CTCF: variants seen among roughly 807,000 people sequenced by gnomAD.
CTCF encodes the protein CCCTC-binding factor.
CTCF carries 7 observed loss-of-function variants against 72.3 expected under a neutral mutation model. The observed-to-expected ratio is 0.10, with a 90% CI of 0.06 to 0.18. The LOEUF (loss-of-function observed/expected upper bound fraction) is 0.18, where lower values mean the gene tolerates loss of function less well. Ranked by LOEUF, CTCF falls within the 10% of genes least tolerant of loss-of-function variation. The pLI, the probability that CTCF is intolerant of heterozygous loss-of-function variation, is 1.00. For synonymous variants in CTCF, 374 were observed against 315.8 expected (o/e 1.18, Z -1.95); for missense variants, 516 against 949.1 (o/e 0.54, Z 6.00).
chr16:67,574,222 G>A lies in CTCF; in HGVS notation c.-10+2958G>A, dbSNP rs561381199. Among the ~76,000 whole-genome samples the A allele has an allele frequency of 3.3e-5, 5 of 152,278 alleles. No homozygotes were observed. The South Asian group carries it at 1.0e-3, about 32-fold the overall frequency. On this transcript the variant is annotated intron_variant, in intron 2 of 11. Coordinates refer to ENST00000264010, the MANE Select transcript of CTCF (RefSeq NM_006565.4). ...ACAAGCCCATTCCTTCAGAGCTTCT[G>A]ACCAACTGGCTTCAAGTTGAGTTTC...
chr16:67,591,154 G>A (rs562675801), intron 2 of CTCF, among the ~76,000 whole-genome samples: 9 of 151,754 alleles, frequency 5.9e-5, no homozygotes, highest in Admixed American at 3.3e-4. Flanking sequence ...TTAGCTAGTC[G>A]TGGTGATGCG....
At position 67,620,679 on chromosome 16, in the gene CTCF, G is replaced by C. The variant is rs2052189079; in HGVS notation, c.1087-18G>C. Reference sequence around the variant, plus strand: ...CTGTGTTAACAGAAGTTAAAGTTCGGTTGTTTTCGTATTTCAGGTCAGCAA... The same window carrying C: ...CTGTGTTAACAGAAGTTAAAGTTCGCTTGTTTTCGTATTTCAGGTCAGCAA... On this transcript the variant is annotated intron_variant, in intron 5 of 11. Transcript: ENST00000264010. 3 of 1,538,110 alleles carry C rather than the reference G, an allele frequency of 2.0e-6. No homozygotes were observed. Among genetic ancestry groups the C allele is most frequent in the East Asian group, 4.6e-5 (2 of 43,262 alleles).
chr16:67,599,829 G>C (rs1192485144), intron 2 of CTCF, among the ~76,000 whole-genome samples: 2 of 152,166 alleles, frequency 1.3e-5, no homozygotes, highest in Non-Finnish European at 2.9e-5. Flanking sequence ...TTTATTCCCT[G>C]TCCAGTGTCA....
chr16:67,597,056 C>A (rs1160235371), intron 2 of CTCF, among the ~76,000 whole-genome samples: 4 of 151,966 alleles, frequency 2.6e-5, no homozygotes, highest in African/African-American at 4.8e-5. Flanking sequence ...CATTTTGAGA[C>A]AGGGTCTCAC....
chr16:67,611,867 A>G, intron 3 of CTCF, 84 bp from the exon 4 acceptor site: 6 of 1,258,202 alleles, frequency 4.8e-6, no homozygotes, highest in Non-Finnish European at 5.7e-6. Flanking sequence ...AAGCTAATCA[A>G]ATATATTTGT....
chr16:67,629,590 A>G (rs569583146), intron 10 of CTCF, 57 bp downstream of exon 10: 89 of 1,591,984 alleles, frequency 5.6e-5, no homozygotes, highest in Non-Finnish European at 7.2e-5. Flanking sequence ...CCCAGTTTCC[A>G]GTGTGTTTAT....
chr16:67,573,324 G>A lies in CTCF; in HGVS notation c.-10+2060G>A, dbSNP rs1002126687. 3.3e-5 allele frequency among the ~76,000 whole-genome samples: 5 copies of A among 152,036 alleles called. No individual in the cohort carries two copies. In the East Asian group the frequency reaches 9.7e-4, roughly 29 times the overall value. ...CGTGCCTGTAATCCCAACTACTCGG[G>A]AGGCTGAGGCAGGAGAATCACCTGA... is the stretch of plus-strand genomic sequence containing the variant. On this transcript the variant is annotated intron_variant, in intron 2 of 11. Coordinates refer to ENST00000264010, the MANE Select transcript of CTCF (RefSeq NM_006565.4).
chr16:67,623,984 G>C (rs1683190800), intron 7 of CTCF, among the ~76,000 whole-genome samples: 1 of 150,916 alleles, frequency 6.6e-6, no homozygotes, highest in South Asian at 2.1e-4. Flanking sequence ...GGAGGGGGAG[G>C]TTGCAGTGAG....
chr16:67,632,731 A>G (rs911951748), intron 10 of CTCF, among the ~76,000 whole-genome samples: 1 of 152,216 alleles, frequency 6.6e-6, no homozygotes, highest in African/African-American at 2.4e-5. Flanking sequence ...GAAGAAGTTC[A>G]GCAGGGAAGC....
At chr16:67,597,488 G>A (rs372611720) in intron 2 of CTCF, among the ~76,000 whole-genome samples, 12 of 152,142 alleles carry the variant, frequency 7.9e-5, no homozygotes, top group African/African-American at 2.6e-4. Flanking sequence ...ACAGGTGCCC[G>A]CCACTAAGCA....
chr16:67,585,747 T>C (rs1276252058), intron 2 of CTCF, among the ~76,000 whole-genome samples: 2 of 152,236 alleles, frequency 1.3e-5, no homozygotes, highest in African/African-American at 4.8e-5. Context: ...ATAACTCTTC[T>C]ATAACAGAAG....
At chr16:67,577,051 G>A (rs2051507275) in intron 2 of CTCF, among the ~76,000 whole-genome samples, 1 of 152,024 alleles carries the variant, frequency 6.6e-6, no homozygotes, top group Non-Finnish European at 1.5e-5. Context: ...TTCTCCTGTT[G>A]CCTGTATTGC....
intron 7 of CTCF, among the ~76,000 whole-genome samples, chr16:67,625,391 A>G (rs1330994666): frequency 4.0e-5 from 6 of 150,916 alleles, no homozygotes; most frequent in Admixed American, 3.3e-4. Flanking sequence ...GTAGAGACAG[A>G]GTTTTGCCAT....
chr16:67,610,471 G>T, intron 2 of CTCF: 1 of 150,968 alleles, frequency 6.6e-6, no homozygotes, highest in Non-Finnish European at 1.5e-5. Flanking sequence ...TTCTGCCTCA[G>T]CCTCCCGAGT....
At chr16:67,625,074 G>A (rs527535580) in intron 7 of CTCF, among the ~76,000 whole-genome samples, 2 of 151,630 alleles carry the variant, frequency 1.3e-5, no homozygotes, top group Non-Finnish European at 2.9e-5. Flanking sequence ...ACAGGTGTAC[G>A]CCACCATGCC....
chr16:67,611,749 C>G, intron 3 of CTCF, 136 bp downstream of exon 3: 1 of 1,032,264 alleles, frequency 9.7e-7, no homozygotes, highest in Non-Finnish European at 1.4e-6. Context: ...TAAAACCAGT[C>G]TAAAATAAGT....
chr16:67,613,439 C>T (rs2052086957), intron 4 of CTCF, among the ~76,000 whole-genome samples: 1 of 152,182 alleles, frequency 6.6e-6, no homozygotes, highest in African/African-American at 2.4e-5. Context: ...AATTTCTACT[C>T]AGACACTTGA....
At chr16:67,619,557 G>A (rs2052175587) in intron 5 of CTCF, among the ~76,000 whole-genome samples, 1 of 152,124 alleles carries the variant, frequency 6.6e-6, no homozygotes, top group Non-Finnish European at 1.5e-5. Flanking sequence ...TGAAACATTA[G>A]TGAATGTTCA....
At chr16:67,614,346 C>CA (rs1216599508) in intron 4 of CTCF, 955 of 38,320 alleles carry the variant, frequency 0.025, 9 homozygotes, top group Middle Eastern at 0.032. Flanking sequence ...GACTCCATCT[C>CA]AAAAAAAAAA....
Sources: gnomAD v4.1 joint callset for allele counts (sites outside exome capture counted in the v4.1 genomes callset) on GRCh38, gnomAD v4.1.1 for gene constraint, MANE v1.5 for transcripts, NCBI Gene and HGNC (gene_info 2026-07-23, HGNC 2026-07-21) for gene names.